The following TTLL11 variants were observed in gnomAD, a reference collection of about 807,000 sequenced individuals.
The protein encoded by TTLL11 is tubulin polyglutamylase TTLL11.
A neutral mutation model predicts 51.7 loss-of-function variants in TTLL11; 42 were observed. The ratio of observed to expected loss-of-function variants is 0.81; its 90% CI spans 0.64 to 1.05. The LOEUF (loss-of-function observed/expected upper bound fraction) is 1.05. TTLL11 is among the 50% of genes least tolerant of loss of function. The pLI, the probability that TTLL11 is intolerant of heterozygous loss-of-function variation, is 0.00. For synonymous variants in TTLL11, 381 were observed against 383.5 expected (o/e 0.99, Z 0.08); for missense variants, 799 against 940.4 (o/e 0.85, Z 1.97).
At chr9:121,942,832 C>T (rs1021786207) in intron 6 of TTLL11, among the ~76,000 whole-genome samples, 2 of 145,646 alleles carry the variant, frequency 1.4e-5, no homozygotes, top group Admixed American at 7.2e-5. Flanking sequence ...TGATGATTTT[C>T]CCTTTCTCTG....
intron 3 of TTLL11, among the ~76,000 whole-genome samples, chr9:121,999,096 A>G (rs572595824): frequency 1.7e-3 from 254 of 152,338 alleles, no homozygotes; most frequent in Non-Finnish European, 3.2e-3. Flanking sequence ...ATCCCCAGCT[A>G]TCACTGGAAG....
At chr9:121,984,304 A>G (rs1391474415) in intron 4 of TTLL11, among the ~76,000 whole-genome samples, 2 of 152,192 alleles carry the variant, frequency 1.3e-5, no homozygotes, top group Non-Finnish European at 2.9e-5. Context: ...TCATAGACAA[A>G]TTTGAGAGCT....
At chr9:122,030,799 G>A (rs752771184) in intron 3 of TTLL11, among the ~76,000 whole-genome samples, 3 of 144,140 alleles carry the variant, frequency 2.1e-5, no homozygotes, top group African/African-American at 5.1e-5. Context: ...AAAAAAAGCC[G>A]GTGTGGTGGC....
chr9:121,973,388 T>C (rs1842622435), intron 6 of TTLL11, among the ~76,000 whole-genome samples: 1 of 152,232 alleles, frequency 6.6e-6, no homozygotes, highest in African/African-American at 2.4e-5. Flanking sequence ...CCTCTTCTCC[T>C]GCATTTTATT....
intron 6 of TTLL11, among the ~76,000 whole-genome samples, chr9:121,887,786 G>A (rs1242347744): frequency 2.6e-5 from 4 of 152,262 alleles, no homozygotes; most frequent in South Asian, 4.1e-4. Flanking sequence ...GCTGTCCCCC[G>A]TCCTTTCTCC....
chr9:122,059,943 C>T (rs1157640874), intron 1 of TTLL11, among the ~76,000 whole-genome samples: 3 of 152,196 alleles, frequency 2.0e-5, no homozygotes, highest in African/African-American at 7.2e-5. Flanking sequence ...AGACTCCCCA[C>T]AGCTGCTTGT....
At chr9:122,061,967 T>C (rs1049429797) in intron 1 of TTLL11, among the ~76,000 whole-genome samples, 21 of 152,110 alleles carry the variant, frequency 1.4e-4, no homozygotes, top group African/African-American at 5.1e-4. Flanking sequence ...TATTAGACAT[T>C]TGGGTTTCCT....
chr9:121,874,529 G>A (rs538285331), intron 6 of TTLL11, among the ~76,000 whole-genome samples: 25 of 152,128 alleles, frequency 1.6e-4, no homozygotes, highest in Admixed American at 2.6e-4. Flanking sequence ...ATAAAGTTAG[G>A]ATTACATTAC....
At chr9:122,061,430 A>G (rs538028384) in intron 1 of TTLL11, among the ~76,000 whole-genome samples, 90 of 152,298 alleles carry the variant, frequency 5.9e-4, no homozygotes, top group African/African-American at 1.8e-3. Flanking sequence ...GAACACTGTA[A>G]TAAGCATCCT....
chr9:122,089,178 T>C (rs1846199565), intron 1 of TTLL11, among the ~76,000 whole-genome samples: 1 of 152,150 alleles, frequency 6.6e-6, no homozygotes, highest in Non-Finnish European at 1.5e-5. Flanking sequence ...GCTCTCACTC[T>C]GGTTGGTGTT....
At chr9:121,875,494 C>T (rs977110862) in intron 6 of TTLL11, among the ~76,000 whole-genome samples, 8 of 152,130 alleles carry the variant, frequency 5.3e-5, no homozygotes, top group Non-Finnish European at 8.8e-5. Context: ...AATAACCTCA[C>T]GATGAAAAGA....
intron 6 of TTLL11, among the ~76,000 whole-genome samples, chr9:121,884,477 C>T (rs984366610): frequency 3.3e-5 from 5 of 152,078 alleles, no homozygotes; most frequent in East Asian, 1.9e-4. Flanking sequence ...CAAACACACA[C>T]GCGGGAGAGG....
chr9:121,989,669 G>A lies in TTLL11; in HGVS notation c.795C>T (p.Pro265=). Residue 265 remains proline, a synonymous_variant, in exon 4 of 9, where the codon CCC becomes CCT. Coordinates refer to ENST00000321582, the MANE Select transcript of TTLL11 (RefSeq NM_001139442.2). The surrounding 1 kb of genome is among the most constrained non-coding windows in gnomAD (Gnocchi z 4.2). ...QGDGIYLIKD[P]SDIRLAGTLQ... ...GGGTCCCTGCCAGGCGGATGTCACT[G>A]GGGTCTTTAATGAGGTAGATTCCAT... is the stretch of plus-strand genomic sequence containing the variant. The A allele has an allele frequency of 1.9e-6, 3 of 1,614,146 alleles. No individual in the cohort carries two copies. Among genetic ancestry groups the A allele is most frequent in the Non-Finnish European group, 2.5e-6 (3 of 1,180,044 alleles).
intron 1 of TTLL11, among the ~76,000 whole-genome samples, chr9:122,080,519 C>CCA (rs1554792840): frequency 3.3e-5 from 5 of 149,974 alleles, no homozygotes; most frequent in Non-Finnish European, 5.9e-5. Context: ...CCCATCTCTA[C>CCA]AAAAAAAAAT....
intron 1 of TTLL11, among the ~76,000 whole-genome samples, chr9:122,069,089 C>T (rs1040777976): frequency 1.3e-5 from 2 of 151,462 alleles, no homozygotes; most frequent in South Asian, 2.1e-4. Flanking sequence ...TCGTTACAAC[C>T]GTTTATCCTA....
chr9:121,847,864 T>C (rs1484955895), intron 8 of TTLL11, among the ~76,000 whole-genome samples: 1 of 152,198 alleles, frequency 6.6e-6, no homozygotes, highest in Non-Finnish European at 1.5e-5. Flanking sequence ...AAAAACTGCA[T>C]ACCAATATTC....
intron 3 of TTLL11, among the ~76,000 whole-genome samples, chr9:122,016,499 C>T (rs1843986304): frequency 6.6e-6 from 1 of 152,172 alleles, no homozygotes; most frequent in African/African-American, 2.4e-5. Context: ...GGAATCAGGA[C>T]AAAGAATATA....
At chr9:122,092,621 C>G (rs960769200) in intron 1 of TTLL11, 66 bp downstream of exon 1, 2 of 1,530,046 alleles carry the variant, frequency 1.3e-6, no homozygotes, top group African/African-American at 1.4e-5. Context: ...TGGGCCGTGC[C>G]GAGACCTCTG....
chr9:122,017,336 C>T (rs1035354880), intron 3 of TTLL11, among the ~76,000 whole-genome samples: 8 of 152,116 alleles, frequency 5.3e-5, no homozygotes, highest in Non-Finnish European at 1.5e-5. Flanking sequence ...ATGTCAATTC[C>T]ACTTTGAGAT....
Sources: gnomAD v4.1 joint callset for allele counts (sites outside exome capture counted in the v4.1 genomes callset) on GRCh38, gnomAD v4.1.1 for gene constraint, Gnocchi (gnomAD v3.1) non-coding constraint, MANE v1.5 for transcripts, NCBI Gene and HGNC (gene_info 2026-07-23, HGNC 2026-07-21) for gene names.